TNFAIP8: variants seen among roughly 807,000 people sequenced by gnomAD.
The protein encoded by TNFAIP8 is TNF alpha induced protein 8.
Under a neutral mutation model 13.3 loss-of-function variants are expected in TNFAIP8, and 7 were observed. That is an observed-to-expected ratio of 0.52 (90% CI 0.30 to 0.99). The LOEUF is 0.99. TNFAIP8 is among the 50% of genes least tolerant of loss of function. The probability of loss-of-function intolerance (pLI) is 0.07; values close to 1 mark genes in which losing one functional copy is unlikely to be tolerated. For missense variants in TNFAIP8, 258 were observed against 236.9 expected, an observed-to-expected ratio of 1.09 and a Z score of -0.58; for synonymous variants, 94 against 87.6, an observed-to-expected ratio of 1.07 and a Z score of -0.41.
At chr5:119,308,056 C>G (rs1351672356) in intron 1 of TNFAIP8, among the ~76,000 whole-genome samples, 1 of 152,214 alleles carries the variant, frequency 6.6e-6, no homozygotes, top group Non-Finnish European at 1.5e-5. Context: ...GAAGTTTATT[C>G]TAACCCCTGT....
intron 1 of TNFAIP8, among the ~76,000 whole-genome samples, chr5:119,309,371 T>G (rs1749661484): frequency 6.6e-6 from 1 of 152,216 alleles, no homozygotes; most frequent in Non-Finnish European, 1.5e-5. Flanking sequence ...GAAGTGTTCC[T>G]GACTAGATTT....
intron 1 of TNFAIP8, among the ~76,000 whole-genome samples, chr5:119,363,941 AT>A (rs1206206290): frequency 5.3e-5 from 8 of 152,220 alleles, no homozygotes; most frequent in Non-Finnish European, 1.0e-4. Context: ...TCAGGGAAAC[AT>A]TTACTGATTT....
At chr5:119,278,719 T>C (rs928627481) in intron 1 of TNFAIP8, among the ~76,000 whole-genome samples, 2 of 152,188 alleles carry the variant, frequency 1.3e-5, no homozygotes, top group African/African-American at 4.8e-5. Context: ...GTATTCCTGA[T>C]ACTAATAATC....
chr5:119,362,113 G>C (rs1163332387), intron 1 of TNFAIP8, among the ~76,000 whole-genome samples: 1 of 152,232 alleles, frequency 6.6e-6, no homozygotes, highest in Non-Finnish European at 1.5e-5. Flanking sequence ...CCCTATGAAA[G>C]TCTAGAAGAG....
At chr5:119,304,030 G>T (rs1046122291) in intron 1 of TNFAIP8, among the ~76,000 whole-genome samples, 1 of 152,118 alleles carries the variant, frequency 6.6e-6, no homozygotes, top group Admixed American at 6.5e-5. Context: ...TGGCTTGAGC[G>T]ATCTTTCTAC....
In TNFAIP8 at chr5:119,397,584, C is replaced by T. The variant is rs1049197318; in HGVS notation, c.*4203C>T. On this transcript the variant is annotated 3_prime_UTR_variant, in exon 2 of 2. Transcript: ENST00000504771. Reference sequence around the variant, plus strand: ...TTTTAGTACACAGTGCTGTTTATGACAGAAAAAATTTTATCCTACCTCTGA... The same window carrying T: ...TTTTAGTACACAGTGCTGTTTATGATAGAAAAAATTTTATCCTACCTCTGA... 4 of 152,144 alleles carry T rather than the reference C, an allele frequency of 2.6e-5. No individual in the cohort carries two copies. Among genetic ancestry groups the T allele is most frequent in the African/African-American group, 4.8e-5 (2 of 41,426 alleles). 9.4% of individuals were successfully genotyped at this position (152,144 alleles called of 1,614,324 possible).
chr5:119,380,093 G>A (rs80052426), intron 1 of TNFAIP8, among the ~76,000 whole-genome samples: 4,941 of 152,318 alleles, frequency 0.032, 249 homozygotes, highest in African/African-American at 0.11. Context: ...CTCTGCCACT[G>A]TTTATGCACC....
intron 1 of TNFAIP8, among the ~76,000 whole-genome samples, chr5:119,360,861 G>A (rs560892029): frequency 6.6e-6 from 1 of 152,314 alleles, no homozygotes; most frequent in East Asian, 1.9e-4. Flanking sequence ...TAACTCAAGA[G>A]AATAAAACAT....
Position 119,393,167 on chromosome 5 carries a change from T to C in TNFAIP8, c.383T>C (p.Leu128Ser), listed in dbSNP as rs777747039. Residue 128 changes from leucine (L) to serine (S), a missense_variant, in exon 2 of 2, where the codon TTA becomes TCA. By Grantham distance (145) the Leu-to-Ser change is moderately radical. Coordinates refer to ENST00000504771, the MANE Select transcript of TNFAIP8 (RefSeq NM_014350.4). Reference sequence around the variant, plus strand: ...GATTATACCTTTGACCGGAATGTGTTATCCAGGCTGTTAAATGAATGCAGA... The same window carrying C: ...GATTATACCTTTGACCGGAATGTGTCATCCAGGCTGTTAAATGAATGCAGA... ...QVDYTFDRNV[L>S]SRLLNECREM... 1.2e-6 allele frequency: 2 copies of C among 1,614,040 alleles called. No homozygotes were observed. The highest frequency in any genetic ancestry group is 8.5e-7 in the Non-Finnish European group (1 of 1,179,892).
rs1424836320 is a variant in TNFAIP8 at position 119,397,065 on chromosome 5, CTT to C, written c.*3685_*3686del. 6.8e-6 allele frequency: 1 copy of C among 147,720 alleles called. No individual in the cohort carries two copies. The highest frequency in any genetic ancestry group is 1.5e-5 in the Non-Finnish European group (1 of 67,028). The allele number at this position is 147,720 out of a possible 1,614,324, so 9.2% of individuals were successfully genotyped here. A position where few individuals can be genotyped will look rare whatever the true frequency, so the allele number is the denominator to read the frequency against. ...GTACAGAAATATTGCGTTTTAAACT[CTT>C]ATATAATAGTATGCCATTCACAATT... On this transcript the variant is annotated 3_prime_UTR_variant, in exon 2 of 2. Transcript: ENST00000504771.
intron 1 of TNFAIP8, among the ~76,000 whole-genome samples, chr5:119,386,977 C>CCCTCCCTT (rs1491315123): frequency 6.6e-5 from 9 of 137,332 alleles, no homozygotes; most frequent in Non-Finnish European, 9.5e-5. Flanking sequence ...CTCCCTCCCT[C>CCCTCCCTT]CCTCTCTTTC....
At chr5:119,337,936 C>T (rs948909592) in intron 1 of TNFAIP8, among the ~76,000 whole-genome samples, 2 of 152,182 alleles carry the variant, frequency 1.3e-5, no homozygotes, top group African/African-American at 2.4e-5. Context: ...TCTGCGGAGC[C>T]GCAGGTGGAC....
chr5:119,277,141 T>C (rs1334428066), intron 1 of TNFAIP8, among the ~76,000 whole-genome samples: 1 of 152,216 alleles, frequency 6.6e-6, no homozygotes, highest in Non-Finnish European at 1.5e-5. Context: ...ACTCACCTGT[T>C]TTCAGACTGC....
At chr5:119,353,690 G>C (rs1376225211), upstream of TNFAIP8, among the ~76,000 whole-genome samples, 1 of 144,504 alleles carries the variant, frequency 6.9e-6, no homozygotes, top group African/African-American at 2.5e-5. Flanking sequence ...TTCAGCAGTT[G>C]TAAAACAAGT....
At chr5:119,285,025 A>C (rs775211945) in intron 1 of TNFAIP8, among the ~76,000 whole-genome samples, 2 of 151,830 alleles carry the variant, frequency 1.3e-5, no homozygotes, top group Non-Finnish European at 2.9e-5. Context: ...TTTTTTTCTA[A>C]TTTAAAGCAT....
intron 1 of TNFAIP8, among the ~76,000 whole-genome samples, chr5:119,362,758 T>C (rs993108483): frequency 6.6e-6 from 1 of 151,650 alleles, no homozygotes; most frequent in Non-Finnish European, 1.5e-5. Context: ...TGCCATTGCA[T>C]TCCAGCCTGG....
chr5:119,355,367 G>T (rs1751345243), upstream of TNFAIP8: 1 of 702,476 alleles, frequency 1.4e-6, no homozygotes, highest in Non-Finnish European at 2.6e-6. Flanking sequence ...TGAGTAAGCA[G>T]CCCCGTCTGC....
At chr5:119,269,027 G>C in intron 1 of TNFAIP8, 1 of 599,602 alleles carries the variant, frequency 1.7e-6, no homozygotes, top group Non-Finnish European at 3.0e-6. Context: ...GCGAGTGTGA[G>C]TGAGTGTGAG....
chr5:119,281,499 A>G (rs1748629951), intron 1 of TNFAIP8, among the ~76,000 whole-genome samples: 1 of 152,180 alleles, frequency 6.6e-6, no homozygotes, highest in East Asian at 1.9e-4. Flanking sequence ...GAAATAGACT[A>G]TTGTGTAATT....
Sources: allele counts gnomAD v4.1 joint callset (sites outside exome capture counted in the v4.1 genomes callset), GRCh38; gene constraint gnomAD v4.1.1; transcripts MANE v1.5; gene names NCBI Gene and HGNC (gene_info 2026-07-23, HGNC 2026-07-21).